RGS17: variants seen among roughly 807,000 people sequenced by gnomAD.
RGS17 encodes regulator of G-protein signaling 17.
RGS17 carries 12 observed loss-of-function variants against 25.5 expected under a neutral mutation model. The observed-to-expected ratio is 0.47, with a 90% confidence interval of 0.30 to 0.76. RGS17 has a LOEUF of 0.76. RGS17 is among the 30% of genes least tolerant of loss of function. RGS17 has a pLI of 0.07. For missense variants in RGS17, 196 were observed against 242.2 expected, an observed-to-expected ratio of 0.81 and a Z score of 1.27; for synonymous variants, 71 against 76.9, an observed-to-expected ratio of 0.92 and a Z score of 0.40.
At chr6:153,050,331 T>C (rs1433988774) in intron 1 of RGS17, among the ~76,000 whole-genome samples, 4 of 151,900 alleles carry the variant, frequency 2.6e-5, no homozygotes, top group Non-Finnish European at 5.9e-5. Flanking sequence ...ACAAGAAAAA[T>C]AGAGAATCAT....
At chr6:153,043,335 G>A (rs921241463) in intron 2 of RGS17, among the ~76,000 whole-genome samples, 1 of 152,132 alleles carries the variant, frequency 6.6e-6, no homozygotes. Context: ...TCCAAGCACA[G>A]CCACTGACCT....
At chr6:153,045,208 C>A (rs149433819) in intron 1 of RGS17, among the ~76,000 whole-genome samples, 2 of 152,130 alleles carry the variant, frequency 1.3e-5, no homozygotes, top group Non-Finnish European at 2.9e-5. Flanking sequence ...TGAATGGGGT[C>A]TAAAGCCACA....
At chr6:153,084,866 G>A (rs1218503349) in intron 1 of RGS17, among the ~76,000 whole-genome samples, 4 of 152,220 alleles carry the variant, frequency 2.6e-5, no homozygotes, top group East Asian at 1.9e-4. Context: ...GTGAAAATAC[G>A]GCAGTTCCAT....
At chr6:153,026,776 T>C (rs1196572990) in intron 2 of RGS17, among the ~76,000 whole-genome samples, 4 of 152,302 alleles carry the variant, frequency 2.6e-5, no homozygotes, top group Middle Eastern at 3.4e-3. Flanking sequence ...AAGTGGATAT[T>C]GTTAAATATT....
At chr6:153,120,546 T>G (rs563375879) in intron 1 of RGS17, among the ~76,000 whole-genome samples, 4 of 152,164 alleles carry the variant, frequency 2.6e-5, no homozygotes, top group Non-Finnish European at 5.9e-5. Flanking sequence ...GCTGAAATTG[T>G]GGTGTTCCTA....
chr6:153,042,498 C>T (rs548873910), intron 2 of RGS17, among the ~76,000 whole-genome samples: 2 of 152,320 alleles, frequency 1.3e-5, no homozygotes, highest in South Asian at 4.1e-4. Context: ...CTTTGCTCCT[C>T]CTTTACCTTC....
rs1776600063 is a variant in RGS17, at chr6:153,058,929, GATT to G, written c.-25-14889_-25-14887del. ...TTTTTTTCAAAATCGCCATTTTTAT[GATT>G]ATATTAAAATGATCAGAAATTCAAG... On this transcript the variant is annotated intron_variant, in intron 1 of 4. Transcript: ENST00000206262. 1.0e-4 allele frequency among the ~76,000 whole-genome samples: 15 copies of G among 150,502 alleles called. 1 individual carries two copies. The highest frequency in any genetic ancestry group is 9.9e-4 in the Admixed American group (15 of 15,090).
At chr6:153,120,771 T>C (rs1369449243) in intron 1 of RGS17, among the ~76,000 whole-genome samples, 1 of 152,188 alleles carries the variant, frequency 6.6e-6, no homozygotes, top group African/African-American at 2.4e-5. Flanking sequence ...GCTTTTGAAA[T>C]ATTGTGCACA....
intron 1 of RGS17, among the ~76,000 whole-genome samples, chr6:153,082,754 A>C (rs1777002933): frequency 6.6e-6 from 1 of 152,132 alleles, no homozygotes; most frequent in Non-Finnish European, 1.5e-5. Flanking sequence ...ATACTATGTT[A>C]ATTTTACATC....
chr6:153,038,871 G>A (rs753189862), intron 2 of RGS17, among the ~76,000 whole-genome samples: 38 of 152,160 alleles, frequency 2.5e-4, no homozygotes, highest in Non-Finnish European at 5.0e-4. Flanking sequence ...AACGGAGGGA[G>A]GGGCAGCCCA....
intron 1 of RGS17, among the ~76,000 whole-genome samples, chr6:153,088,635 AG>A (rs1777084882): frequency 6.6e-6 from 1 of 152,060 alleles, no homozygotes; most frequent in Non-Finnish European, 1.5e-5. Context: ...CTCAGGTGTC[AG>A]TTCTTCAGCT....
At chr6:153,015,942 C>T (rs891544154) in intron 4 of RGS17, among the ~76,000 whole-genome samples, 9 of 152,230 alleles carry the variant, frequency 5.9e-5, no homozygotes, top group East Asian at 5.8e-4. Flanking sequence ...TGTGAGCCAC[C>T]GCGCCCAGCC....
Position 153,009,772 on chromosome 6 carries a change from C to T in RGS17, c.*1802G>A, listed in dbSNP as rs1434461536. ...TAAACAGAATATTTTGTTTTCTACT[C>T]TGCAATTTTTAAAAAATCCCATTTT... On this transcript the variant is annotated 3_prime_UTR_variant, in exon 5 of 5. Transcript: ENST00000206262. 6.6e-6 allele frequency: 1 copy of T among 151,894 alleles called. No individual in the cohort carries two copies. The highest frequency in any genetic ancestry group is 1.5e-5 in the Non-Finnish European group (1 of 67,822). The allele number at this position is 151,894 out of a possible 1,614,324, so 9.4% of individuals were successfully genotyped here.
intron 1 of RGS17, among the ~76,000 whole-genome samples, chr6:153,083,840 T>C (rs981116968): frequency 1.3e-5 from 2 of 152,222 alleles, no homozygotes; most frequent in Non-Finnish European, 2.9e-5. Flanking sequence ...AATGTCAGTT[T>C]TGCCACATGA....
chr6:153,096,097 A>G (rs991344167), intron 1 of RGS17, among the ~76,000 whole-genome samples: 1 of 152,232 alleles, frequency 6.6e-6, no homozygotes, highest in Non-Finnish European at 1.5e-5. Context: ...AGCTTTGAAC[A>G]ACGTGCTACT....
At chr6:153,060,767 A>T (rs1281864642) in intron 1 of RGS17, among the ~76,000 whole-genome samples, 2 of 151,822 alleles carry the variant, frequency 1.3e-5, no homozygotes, top group East Asian at 1.9e-4. Context: ...TGTATTTTGG[A>T]ATTCCAAATA....
At chr6:153,051,031 C>T (rs1433610160) in intron 1 of RGS17, among the ~76,000 whole-genome samples, 1 of 152,204 alleles carries the variant, frequency 6.6e-6, no homozygotes, top group East Asian at 1.9e-4. Context: ...TAGTCATCTA[C>T]AACCAGGCAG....
chr6:153,011,795 ATAT>A, intron 4 of RGS17, 33 bp from the exon 5 acceptor site: 1 of 396,384 alleles, frequency 2.5e-6, no homozygotes, highest in Non-Finnish European at 3.6e-6. Flanking sequence ...ACATTAAATA[ATAT>A]TTTTTTCAAA....
At chr6:153,127,293 C>G (rs141453821) in intron 1 of RGS17, among the ~76,000 whole-genome samples, 133 of 152,292 alleles carry the variant, frequency 8.7e-4, no homozygotes, top group African/African-American at 3.1e-3. Flanking sequence ...GACCCCTGTT[C>G]TAGAATATGA....
Sources: gnomAD v4.1 joint callset for allele counts (sites outside exome capture counted in the v4.1 genomes callset) on GRCh38, gnomAD v4.1.1 for gene constraint, MANE v1.5 for transcripts, NCBI Gene and HGNC (gene_info 2026-07-23, HGNC 2026-07-21) for gene names.